Variants in CPSF2 observed in about 807,000 individuals in gnomAD.
CPSF2 encodes the protein cleavage and polyadenylation specific factor 2.
Under a neutral mutation model 84.2 loss-of-function variants are expected in CPSF2, and 51 were observed. The observed-to-expected ratio is 0.61, with a 90% CI of 0.48 to 0.77. CPSF2 has a LOEUF of 0.77. Ranked by LOEUF, CPSF2 falls within the 30% of genes least tolerant of loss-of-function variation. The probability of loss-of-function intolerance (pLI) is 0.00; values close to 1 mark genes in which losing one functional copy is unlikely to be tolerated. For synonymous variants in CPSF2, 286 were observed against 311.9 expected, an observed-to-expected ratio of 0.92 and a Z score of 0.87; for missense variants, 641 against 929.4, an observed-to-expected ratio of 0.69 and a Z score of 4.03.
rs376631823 is a variant in CPSF2 at position 92,134,176 on chromosome 14, T to G, written c.309+6T>G. 4 of 1,613,600 alleles carry G rather than the reference T, an allele frequency of 2.5e-6. No homozygotes were observed. The highest frequency in any genetic ancestry group is 3.4e-6 in the Non-Finnish European group (4 of 1,179,680). Reference sequence around the variant, plus strand: ...TCATGTATGATCTTTATCAGGTAATTTAAGCAATTAAAAAAATTTTGTTAG... The same window carrying G: ...TCATGTATGATCTTTATCAGGTAATGTAAGCAATTAAAAAAATTTTGTTAG... On this transcript the variant is annotated splice_donor_region_variant and intron_variant, in intron 4 of 15. Transcript: ENST00000298875.
intron 15 of CPSF2, 116 bp downstream of exon 15, chr14:92,161,362 T>A: frequency 8.1e-7 from 1 of 1,239,556 alleles, no homozygotes; most frequent in Non-Finnish European, 1.1e-6. Context: ...GTAATTTATA[T>A]TCATGATCAT....
chr14:92,148,452 C>T (rs2069170262), intron 9 of CPSF2, among the ~76,000 whole-genome samples: 1 of 152,106 alleles, frequency 6.6e-6, no homozygotes, highest in African/African-American at 2.4e-5. Flanking sequence ...ACCATTTCAC[C>T]CATTGACCCC....
intron 3 of CPSF2, 119 bp downstream of exon 3, chr14:92,131,252 AT>A: frequency 1.4e-6 from 1 of 701,294 alleles, no homozygotes; most frequent in Non-Finnish European, 2.2e-6. Flanking sequence ...AAAAGGCTTA[AT>A]TTTACTTATG....
intron 3 of CPSF2, among the ~76,000 whole-genome samples, chr14:92,132,039 G>C (rs1166398362): frequency 6.6e-6 from 1 of 152,136 alleles, no homozygotes; most frequent in Non-Finnish European, 1.5e-5. Context: ...AAAACTGTCT[G>C]TGGTTACTAT....
In CPSF2 at chr14:92,135,435, AT is replaced by A. The variant is rs1196471642; in HGVS notation, c.485del (p.Ile162LysfsTer23). 1 of 1,613,800 alleles carries A rather than the reference AT, an allele frequency of 6.2e-7. No homozygotes were observed. The highest frequency in any genetic ancestry group is 8.5e-7 in the Non-Finnish European group (1 of 1,179,788). ...TATGATAGGTGGAACAATATGGAAA[AT>A]AGTCAAAGATGGAGAAGAAGAAATT... ...GHMIGGTIWK[I>X]VKDGEEEIVY... On this transcript the variant is annotated frameshift_variant, in exon 6 of 16. Transcript: ENST00000298875. LOFTEE classifies it high-confidence loss of function.
intron 3 of CPSF2, among the ~76,000 whole-genome samples, chr14:92,133,104 T>C (rs1383879620): frequency 7.1e-6 from 1 of 141,756 alleles, no homozygotes; most frequent in Non-Finnish European, 1.5e-5. Context: ...AGAAAAAAAA[T>C]AGTATGCAGG....
Position 92,154,345 on chromosome 14 carries a change from TA to T in CPSF2, c.1141-12del, listed in dbSNP as rs1441750969. The stretch of plus-strand genomic sequence containing the variant: ...CATATTAACATTTCCTTTTGTCTTT[TA>T]TTTTTTTTTAGTTGAGGAAACGTGT... On this transcript the variant is annotated splice_polypyrimidine_tract_variant and intron_variant, in intron 9 of 15. Coordinates refer to ENST00000298875, the MANE Select transcript of CPSF2 (RefSeq NM_017437.3). 5.1e-6 allele frequency: 8 copies of T among 1,578,972 alleles called. No individual in the cohort carries two copies. The South Asian group carries it at 6.9e-5, about 14-fold the overall frequency.
intron 8 of CPSF2, 100 bp from the exon 9 acceptor site, chr14:92,142,904 T>TG (rs2069096300): frequency 1.9e-6 from 2 of 1,030,850 alleles, no homozygotes; most frequent in South Asian, 1.7e-5. Context: ...AAGCAACCAG[T>TG]GGGGGTAAAA....
intron 1 of CPSF2, among the ~76,000 whole-genome samples, chr14:92,122,838 CTTTCTTT>C (rs1257355994): frequency 6.6e-6 from 1 of 151,134 alleles, no homozygotes; most frequent in Non-Finnish European, 1.5e-5. Context: ...CCTTTAACCC[CTTTCTTT>C]TTTCTTTCTT....
At chr14:92,144,179 A>T (rs1197092559) in intron 9 of CPSF2, among the ~76,000 whole-genome samples, 1 of 152,144 alleles carries the variant, frequency 6.6e-6, no homozygotes, top group East Asian at 1.9e-4. Context: ...TTACTCATTC[A>T]TCATTTGACC....
At chr14:92,125,423 T>C (rs959030087) in intron 1 of CPSF2, among the ~76,000 whole-genome samples, 9 of 152,204 alleles carry the variant, frequency 5.9e-5, no homozygotes, top group African/African-American at 1.7e-4. Flanking sequence ...AGAAATTTGG[T>C]CACAAGATAG....
chr14:92,128,961 A>G (rs973260851), intron 2 of CPSF2, among the ~76,000 whole-genome samples: 37 of 152,326 alleles, frequency 2.4e-4, no homozygotes, highest in African/African-American at 8.9e-4. Flanking sequence ...AAAAGTCCTC[A>G]GTGAATGAGG....
In CPSF2 at chr14:92,162,268, G is replaced by A. The variant is rs1206312163; in HGVS notation, c.*524G>A. The A allele has an allele frequency of 6.6e-6, 1 of 152,560 alleles. No homozygotes were observed. The highest frequency in any genetic ancestry group is 1.5e-5 in the Non-Finnish European group (1 of 68,052). The allele number at this position is 152,560 out of a possible 1,614,324, so 9.5% of individuals were successfully genotyped here. ...GAATATGCAATTGTTTTCACAGGCA[G>A]GATGTCTGTTTTCTGCCTGTATTTC... On this transcript the variant is annotated 3_prime_UTR_variant, in exon 16 of 16. Transcript: ENST00000298875.
rs376230933 is a variant in CPSF2, at chr14:92,143,070, C to T, written c.916C>T (p.Arg306Cys). 5 of 1,613,738 alleles carry T rather than the reference C, an allele frequency of 3.1e-6. No homozygotes were observed. Among genetic ancestry groups the T allele is most frequent in the Non-Finnish European group, 4.2e-6 (5 of 1,179,800 alleles). Residue 306 changes from arginine to cysteine, a missense_variant, in exon 9 of 16, where the codon CGC becomes TGC. By Grantham distance (180) the Arg-to-Cys change is radical (BLOSUM62 -3). Transcript: ENST00000298875. Reference sequence around the variant, plus strand: ...CAAAAGAAATAATCCGTTTCAGTTTCGCCATCTCTCTTTATGTCATGGTCT... The same window carrying T: ...CAAAAGAAATAATCCGTTTCAGTTTTGCCATCTCTCTTTATGTCATGGTCT... ...EDKRNNPFQF[R>C]HLSLCHGLSD...
At chr14:92,146,419 G>T (rs1014518108) in intron 9 of CPSF2, among the ~76,000 whole-genome samples, 1 of 152,210 alleles carries the variant, frequency 6.6e-6, no homozygotes, top group Non-Finnish European at 1.5e-5. Context: ...TACTCGGGAG[G>T]CTGAGGCAGG....
intron 1 of CPSF2, among the ~76,000 whole-genome samples, chr14:92,122,739 A>C (rs1022208646): frequency 6.6e-6 from 1 of 152,232 alleles, no homozygotes; most frequent in Non-Finnish European, 1.5e-5. Flanking sequence ...AGAAGAGGTC[A>C]GATTGAACCC....
In CPSF2 at chr14:92,152,659, G is replaced by T. The variant is rs544044227; in HGVS notation, c.1141-1699G>T. ...TCACCATGTTGGCCAGGCTGGTCTC[G>T]GACTCCTGACCTTAGGTGATCTGCC... is the stretch of plus-strand genomic sequence containing the variant. On this transcript the variant is annotated intron_variant, in intron 9 of 15. Coordinates refer to ENST00000298875, the MANE Select transcript of CPSF2 (RefSeq NM_017437.3). Among the ~76,000 whole-genome samples the T allele has an allele frequency of 6.6e-5, 10 of 151,798 alleles. No homozygotes were observed. The East Asian group carries it at 7.7e-4, about 12-fold the overall frequency.
Position 92,161,939 on chromosome 14 carries a change from T to C in CPSF2, c.*195T>C, listed in dbSNP as rs1471444828. 4.4e-6 allele frequency: 2 copies of C among 453,946 alleles called. No individual in the cohort carries two copies. The highest frequency in any genetic ancestry group is 4.4e-5 in the Admixed American group (1 of 22,718). The allele number at this position is 453,946 out of a possible 1,614,324, so 28.1% of individuals were successfully genotyped here. A position where few individuals can be genotyped will look rare whatever the true frequency, so the allele number is the denominator to read the frequency against. ...AAATGAGCATTCTATCTTTTGGCTT[T>C]CAGAGTGATAGAGCTCCTAACAGGT... On this transcript the variant is annotated 3_prime_UTR_variant, in exon 16 of 16. Transcript: ENST00000298875.
In CPSF2 at chr14:92,161,869, A is replaced by G. The variant is rs1341038704; in HGVS notation, c.*125A>G. 1.7e-6 allele frequency: 1 copy of G among 595,330 alleles called. No individual in the cohort carries two copies. The allele number at this position is 595,330 out of a possible 1,614,324, so 36.9% of individuals were successfully genotyped here. A position where few individuals can be genotyped will look rare whatever the true frequency, so the allele number is the denominator to read the frequency against. On this transcript the variant is annotated 3_prime_UTR_variant, in exon 16 of 16. Transcript: ENST00000298875. ...GAATCTGCCAGAAAAACTTACATGT[A>G]TCAGATTTTTAAAAATATAAATAGA...
Sources: gnomAD v4.1 joint callset for allele counts (sites outside exome capture counted in the v4.1 genomes callset) on GRCh38, gnomAD v4.1.1 for gene constraint, MANE v1.5 for transcripts, NCBI Gene and HGNC (gene_info 2026-07-23, HGNC 2026-07-21) for gene names.